Variants in PDZRN4 observed in about 807,000 individuals in gnomAD.
The protein encoded by PDZRN4 is PDZ domain-containing RING finger protein 4.
A neutral mutation model predicts 99.0 loss-of-function variants in PDZRN4; 70 were observed. The observed-to-expected ratio is 0.71, with a 90% CI of 0.58 to 0.86. PDZRN4 has a LOEUF of 0.86. Ranked by LOEUF, PDZRN4 falls within the 40% of genes least tolerant of loss-of-function variation. PDZRN4 has a pLI of 0.00. For synonymous variants in PDZRN4, 551 were observed against 501.6 expected, an observed-to-expected ratio of 1.10 and a Z score of -1.32; for missense variants, 1,474 against 1,331.2, an observed-to-expected ratio of 1.11 and a Z score of -1.67.
chr12:41,540,692 C>A (rs776314348), intron 5 of PDZRN4, among the ~76,000 whole-genome samples: 1 of 151,832 alleles, frequency 6.6e-6, no homozygotes, highest in Admixed American at 6.6e-5. Context: ...GTTAACATGC[C>A]CCAGATTCTT....
At chr12:41,357,534 C>T (rs1951936384) in intron 3 of PDZRN4, among the ~76,000 whole-genome samples, 1 of 151,964 alleles carries the variant, frequency 6.6e-6, no homozygotes, top group South Asian at 2.1e-4. Context: ...ACACAATGAG[C>T]ATGGTCCCTG....
At chr12:41,340,647 C>T (rs1951809420) in intron 3 of PDZRN4, among the ~76,000 whole-genome samples, 1 of 151,698 alleles carries the variant, frequency 6.6e-6, no homozygotes, top group African/African-American at 2.4e-5. Context: ...CCCCTTTACC[C>T]TGATGTGATT....
At chr12:41,441,107 G>T (rs539776548) in intron 3 of PDZRN4, among the ~76,000 whole-genome samples, 1 of 152,088 alleles carries the variant, frequency 6.6e-6, no homozygotes, top group Non-Finnish European at 1.5e-5. Flanking sequence ...TGGGATGTTC[G>T]TTGGTGTCCA....
intron 3 of PDZRN4, among the ~76,000 whole-genome samples, chr12:41,495,279 A>G (rs909883931): frequency 8.5e-5 from 13 of 152,214 alleles, no homozygotes; most frequent in African/African-American, 3.1e-4. Flanking sequence ...TTTGATTTCT[A>G]AAATAACCTC....
At chr12:41,340,211 G>A (rs73272637) in intron 3 of PDZRN4, among the ~76,000 whole-genome samples, 1,857 of 152,134 alleles carry the variant, frequency 0.012, 41 homozygotes, top group African/African-American at 0.041. Context: ...TAAAGAAAAT[G>A]CAGTACATGT....
intron 3 of PDZRN4, among the ~76,000 whole-genome samples, chr12:41,441,934 T>C (rs1952683803): frequency 6.6e-6 from 1 of 152,118 alleles, no homozygotes; most frequent in Admixed American, 6.5e-5. Context: ...CTTCCCACAG[T>C]CACAACTCCT....
intron 3 of PDZRN4, among the ~76,000 whole-genome samples, chr12:41,304,281 C>A (rs1565546591): frequency 6.6e-6 from 1 of 152,142 alleles, no homozygotes; most frequent in Non-Finnish European, 1.5e-5. Context: ...ATTATGCAGT[C>A]ACCGGAATAA....
chr12:41,225,918 A>G (rs969052561), intron 3 of PDZRN4, among the ~76,000 whole-genome samples: 3 of 151,764 alleles, frequency 2.0e-5, no homozygotes, highest in African/African-American at 7.3e-5. Context: ...GGAGTAGGTA[A>G]CCCTTGTCAA....
intron 7 of PDZRN4, among the ~76,000 whole-genome samples, chr12:41,560,176 C>T (rs716124): frequency 0.031 from 4,650 of 152,196 alleles, 151 homozygotes; most frequent in African/African-American, 0.077. Flanking sequence ...TGTCTCCATA[C>T]TAAAATATAA....
chr12:41,547,123 A>T (rs1218424270), intron 5 of PDZRN4, among the ~76,000 whole-genome samples: 1 of 152,214 alleles, frequency 6.6e-6, no homozygotes, highest in East Asian at 1.9e-4. Flanking sequence ...TAGCAAAGTA[A>T]TTGCAATTTC....
intron 5 of PDZRN4, among the ~76,000 whole-genome samples, chr12:41,523,590 C>A (rs943414615): frequency 6.6e-6 from 1 of 152,006 alleles, no homozygotes; most frequent in African/African-American, 2.4e-5. Flanking sequence ...CAGGGGGCAA[C>A]AACATGGTGC....
In PDZRN4 at chr12:41,188,449, C is replaced by T. The variant is rs764667863; in HGVS notation, c.-7C>T. 1 of 1,575,232 alleles carries T rather than the reference C, an allele frequency of 6.3e-7. No homozygotes were observed. ...CTTTCGCTCCCCCTTTCTTCCCCAT[C>T]CCTAACATGGGCTTTGCCCTGGAGC... On this transcript the variant is annotated 5_prime_UTR_variant, in exon 1 of 10. Transcript: ENST00000402685.
chr12:41,219,732 T>C (rs1245748451), intron 3 of PDZRN4, among the ~76,000 whole-genome samples: 1 of 152,134 alleles, frequency 6.6e-6, no homozygotes, highest in Non-Finnish European at 1.5e-5. Context: ...GAGCTGTGGG[T>C]ATTTGCTGGT....
At chr12:41,224,223 G>A (rs181278579) in intron 3 of PDZRN4, among the ~76,000 whole-genome samples, 20 of 152,134 alleles carry the variant, frequency 1.3e-4, no homozygotes, top group Non-Finnish European at 2.6e-4. Flanking sequence ...CCTCATGGAA[G>A]CACTTGAGTT....
At chr12:41,230,387 T>G (rs1243065216) in intron 3 of PDZRN4, among the ~76,000 whole-genome samples, 1 of 152,098 alleles carries the variant, frequency 6.6e-6, no homozygotes, top group Non-Finnish European at 1.5e-5. Flanking sequence ...GTAATGAATA[T>G]TCATTACTCT....
At chr12:41,248,644 G>A (rs1951149114) in intron 3 of PDZRN4, among the ~76,000 whole-genome samples, 1 of 152,114 alleles carries the variant, frequency 6.6e-6, no homozygotes, top group Non-Finnish European at 1.5e-5. Context: ...ATTGCAGTGT[G>A]CAGTTTTTGA....
At chr12:41,210,960 C>T (rs1950883867) in intron 3 of PDZRN4, among the ~76,000 whole-genome samples, 4 of 151,938 alleles carry the variant, frequency 2.6e-5, no homozygotes, top group Admixed American at 2.6e-4. Context: ...TAGCTCTTCT[C>T]TCTAAGTCAA....
intron 3 of PDZRN4, among the ~76,000 whole-genome samples, chr12:41,407,689 G>A (rs1952359686): frequency 6.8e-6 from 1 of 147,292 alleles, no homozygotes; most frequent in African/African-American, 2.6e-5. Context: ...AATTACAACT[G>A]CAGTGTTTAC....
chr12:41,312,454 G>A (rs751162350), intron 3 of PDZRN4, among the ~76,000 whole-genome samples: 7 of 152,112 alleles, frequency 4.6e-5, no homozygotes, highest in African/African-American at 7.2e-5. Context: ...GAGGCTGGGC[G>A]TGTGGCCTTC....
Sources: allele counts gnomAD v4.1 joint callset (sites outside exome capture counted in the v4.1 genomes callset), GRCh38; gene constraint gnomAD v4.1.1; transcripts MANE v1.5; gene names NCBI Gene and HGNC (gene_info 2026-07-23, HGNC 2026-07-21).